Variants in STON2 observed in about 807,000 individuals in gnomAD.
The protein encoded by STON2 is stonin-2.
In STON2, 29 loss-of-function variants were observed where a neutral mutation model predicts 65.7. The ratio of observed to expected loss-of-function variants is 0.44; its 90% CI spans 0.33 to 0.60. STON2 has a LOEUF of 0.60. Ranked by LOEUF, STON2 falls within the 20% of genes least tolerant of loss-of-function variation. The probability of loss-of-function intolerance (pLI) is 0.03; values close to 1 mark genes in which losing one functional copy is unlikely to be tolerated. For synonymous variants in STON2, 404 were observed against 414.2 expected (o/e 0.98, Z 0.30); for missense variants, 1,054 against 1,118.1 (o/e 0.94, Z 0.82).
chr14:81,325,411 A>G (rs546026588), intron 4 of STON2, among the ~76,000 whole-genome samples: 26 of 151,244 alleles, frequency 1.7e-4, no homozygotes, highest in African/African-American at 6.3e-4. Context: ...TTTGGGAAAC[A>G]GTATTAAAGA....
intron 4 of STON2, among the ~76,000 whole-genome samples, chr14:81,356,291 T>C (rs1898227883): frequency 6.6e-6 from 1 of 152,226 alleles, no homozygotes; most frequent in Non-Finnish European, 1.5e-5. Context: ...TTTGGTTCTG[T>C]TTATATGCTG....
chr14:81,285,758 C>T (rs114561191), intron 5 of STON2, among the ~76,000 whole-genome samples: 1,783 of 152,292 alleles, frequency 0.012, 45 homozygotes, highest in African/African-American at 0.041. Context: ...GGGTACTATG[C>T]TTACTACCTG....
At chr14:81,319,872 T>G (rs1187947060) in intron 5 of STON2, among the ~76,000 whole-genome samples, 1 of 152,204 alleles carries the variant, frequency 6.6e-6, no homozygotes, top group Admixed American at 6.5e-5. Context: ...TCTACTGAGT[T>G]GAACTAAGGG....
chr14:81,288,825 G>T (rs994664201), intron 5 of STON2, among the ~76,000 whole-genome samples: 3 of 131,592 alleles, frequency 2.3e-5, no homozygotes, highest in Admixed American at 8.0e-5. Flanking sequence ...GAAAAAGGGT[G>T]GGGGGGTCTC....
At chr14:81,383,361 CACAAAAAGAGT>C (rs1185524242) in intron 3 of STON2, among the ~76,000 whole-genome samples, 1 of 152,128 alleles carries the variant, frequency 6.6e-6, no homozygotes, top group East Asian at 1.9e-4. Flanking sequence ...AAGTGCTTGG[CACAAAAAGAGT>C]ACTCAACATG....
chr14:81,431,476 A>T (rs1175800386), intron 1 of STON2, among the ~76,000 whole-genome samples: 1 of 152,086 alleles, frequency 6.6e-6, no homozygotes, highest in Non-Finnish European at 1.5e-5. Context: ...CATCTCTACT[A>T]AAAATAGAAA....
At position 81,264,692 on chromosome 14, in the gene STON2, T is replaced by A. The variant is rs146334541; in HGVS notation, c.*3722A>T. On this transcript the variant is annotated 3_prime_UTR_variant, in exon 8 of 8. Coordinates refer to ENST00000614646, the MANE Select transcript of STON2 (RefSeq NM_001394390.1). ...TTAAATCAAACAATGTTCTCAAGGA[T>A]TATGAACCCTGCCAATAATGCAGGA... 1.6e-3 allele frequency: 1,609 copies of A among 985,360 alleles called. 16 individuals carry two copies. The African/African-American group carries it at 0.025, about 15-fold the overall frequency. 61.0% of individuals were successfully genotyped at this position (985,360 alleles called of 1,614,324 possible). A position where few individuals can be genotyped will look rare whatever the true frequency, so the allele number is the denominator to read the frequency against.
intron 3 of STON2, among the ~76,000 whole-genome samples, chr14:81,391,079 A>C (rs1488819742): frequency 6.6e-6 from 1 of 152,234 alleles, no homozygotes; most frequent in Non-Finnish European, 1.5e-5. Context: ...CAGATAATCC[A>C]GAATTATCTC....
chr14:81,381,072 T>C (rs1210048237), intron 3 of STON2, among the ~76,000 whole-genome samples: 1 of 152,182 alleles, frequency 6.6e-6, no homozygotes, highest in Non-Finnish European at 1.5e-5. Context: ...TTTTGAGTAA[T>C]ATATTTATAA....
chr14:81,407,830 T>C (rs1382725935), intron 2 of STON2, among the ~76,000 whole-genome samples: 1 of 152,230 alleles, frequency 6.6e-6, no homozygotes, highest in East Asian at 1.9e-4. Context: ...TGAGCATCTA[T>C]TATGCACTCA....
At chr14:81,379,913 A>G (rs1480220633) in intron 3 of STON2, among the ~76,000 whole-genome samples, 1 of 152,196 alleles carries the variant, frequency 6.6e-6, no homozygotes, top group South Asian at 2.1e-4. Context: ...TGTAGGGAAT[A>G]CCATTCTGGA....
At chr14:81,411,039 A>C (rs1901130896) in intron 2 of STON2, among the ~76,000 whole-genome samples, 1 of 152,192 alleles carries the variant, frequency 6.6e-6, no homozygotes, top group African/African-American at 2.4e-5. Flanking sequence ...TTCCTTGCTC[A>C]TTTAGGCCAC....
At chr14:81,392,130 C>T (rs920912842) in intron 3 of STON2, among the ~76,000 whole-genome samples, 1 of 152,110 alleles carries the variant, frequency 6.6e-6, no homozygotes. Context: ...AATATCAACT[C>T]AAAATCAAAG....
At chr14:81,311,935 C>T (rs1896442240) in intron 5 of STON2, among the ~76,000 whole-genome samples, 1 of 152,136 alleles carries the variant, frequency 6.6e-6, no homozygotes, top group Admixed American at 6.5e-5. Flanking sequence ...GGCTGCTTGT[C>T]AACCCAACAC....
chr14:81,423,961 T>C (rs1901841473), intron 2 of STON2, among the ~76,000 whole-genome samples: 1 of 152,160 alleles, frequency 6.6e-6, no homozygotes, highest in Admixed American at 6.5e-5. Context: ...AGTCTGAGGT[T>C]TTGATACATG....
At chr14:81,280,333 C>G (rs947322708) in intron 5 of STON2, among the ~76,000 whole-genome samples, 2 of 152,168 alleles carry the variant, frequency 1.3e-5, no homozygotes, top group Non-Finnish European at 2.9e-5. Flanking sequence ...GATGAAGGAA[C>G]AGCACAGACA....
At chr14:81,353,465 A>G (rs6574646) in intron 4 of STON2, among the ~76,000 whole-genome samples, 46,413 of 152,026 alleles carry the variant, frequency 0.31, 7,336 homozygotes, top group East Asian at 0.4. Flanking sequence ...GGAACACCTA[A>G]GTGAAACCCC....
chr14:81,278,892 A>G (rs1894994278), intron 5 of STON2, 153 bp from the exon 6 acceptor site: 1 of 563,572 alleles, frequency 1.8e-6, no homozygotes, highest in African/African-American at 1.9e-5. Flanking sequence ...TAGTCTGGGC[A>G]TAGATCTCAC....
Position 81,263,493 on chromosome 14 carries a change from G to A in STON2, c.*4921C>T, listed in dbSNP as rs1342257999. Among the ~76,000 whole-genome samples the A allele has an allele frequency of 5.2e-5, 7 of 134,706 alleles. No individual in the cohort carries two copies. The highest frequency in any genetic ancestry group is 1.1e-4 in the African/African-American group (4 of 36,164). The allele number at this position is 134,706 out of a possible 152,430, so 88.4% of individuals were successfully genotyped here. A position where few individuals can be genotyped will look rare whatever the true frequency, so the allele number is the denominator to read the frequency against. On this transcript the variant is annotated 3_prime_UTR_variant, in exon 8 of 8. Transcript: ENST00000614646. ...GCGGAGGTTGCAGTGAGCCGATGTC[G>A]TGCCACTGCACTCTAGCCTGGGTGA...
Sources: allele counts gnomAD v4.1 joint callset (sites outside exome capture counted in the v4.1 genomes callset), GRCh38; gene constraint gnomAD v4.1.1; transcripts MANE v1.5; gene names NCBI Gene and HGNC (gene_info 2026-07-23, HGNC 2026-07-21).